The following UBXN11 variants were observed in gnomAD, a reference collection of about 807,000 sequenced individuals.
UBXN11 encodes UBX domain-containing protein 11.
In UBXN11, 47 loss-of-function variants were observed where a neutral mutation model predicts 62.8. The ratio of observed to expected loss-of-function variants is 0.75; its 90% CI spans 0.59 to 0.95. The LOEUF (loss-of-function observed/expected upper bound fraction) is 0.95, where lower values mean the gene tolerates loss of function less well. Among genes scored for constraint, UBXN11 ranks in the 40% least tolerant of loss-of-function variants. UBXN11 has a pLI of 0.00. For missense variants in UBXN11, 638 were observed against 661.7 expected, an observed-to-expected ratio of 0.96 and a Z score of 0.39; for synonymous variants, 294 against 267.0, an observed-to-expected ratio of 1.10 and a Z score of -0.99.
chr1:26,310,548 AAGAAAGAAAG>A (rs2073731263), upstream of UBXN11, among the ~76,000 whole-genome samples: 3 of 150,076 alleles, frequency 2.0e-5, no homozygotes, highest in Non-Finnish European at 4.5e-5. Flanking sequence ...CAAAAAAAAA[AAGAAAGAAAG>A]AAAAGAAAGA....
upstream of UBXN11, among the ~76,000 whole-genome samples, chr1:26,311,289 C>T (rs1328882360): frequency 1.3e-5 from 2 of 151,706 alleles, no homozygotes; most frequent in Non-Finnish European, 2.9e-5. Context: ...CAGGTGCCCA[C>T]CACCATGCCC....
At chr1:26,312,605 G>A (rs2073754227) in intron 1 of UBXN11, among the ~76,000 whole-genome samples, 1 of 152,000 alleles carries the variant, frequency 6.6e-6, no homozygotes, top group Admixed American at 6.6e-5. Context: ...CTCCCTGCTG[G>A]ACTATAAATT....
Position 26,301,870 on chromosome 1 carries a change from C to T in UBXN11, c.72-148G>A, listed in dbSNP as rs560218524. On this transcript the variant is annotated intron_variant, in intron 2 of 14. Transcript: ENST00000374222. ...CTCCTGAGGACTTCCAGCCCCAAAT[C>T]CCAGCCCCAGCCTGGGGTGAGACAA... 526 of 1,043,724 alleles carry T rather than the reference C, an allele frequency of 5.0e-4. 5 individuals carry two copies. The East Asian group carries it at 0.013, about 27-fold the overall frequency. 64.7% of individuals were successfully genotyped at this position (1,043,724 alleles called of 1,614,324 possible).
At chr1:26,294,999 T>G (rs1206017564) in intron 7 of UBXN11, among the ~76,000 whole-genome samples, 1 of 151,974 alleles carries the variant, frequency 6.6e-6, no homozygotes, top group Non-Finnish European at 1.5e-5. Context: ...CAACACCAAC[T>G]CATGGGGGCC....
At position 26,289,964 on chromosome 1, in the gene UBXN11, A is replaced by G. The variant is rs2073220901; in HGVS notation, c.560-3927T>C. 2.0e-5 allele frequency among the ~76,000 whole-genome samples: 3 copies of G among 152,250 alleles called. No individual in the cohort carries two copies. The South Asian group carries it at 6.2e-4, about 32-fold the overall frequency. ...TGCTCTTCAGAGGAGCCAGTGCAGG[A>G]AAGGAGGCCCTGCAGGTCTGGTCCC... is the stretch of plus-strand genomic sequence containing the variant. On this transcript the variant is annotated intron_variant, in intron 8 of 14. Transcript: ENST00000374222.
At chr1:26,296,867 A>G (rs1481399966) in intron 7 of UBXN11, 52 bp downstream of exon 7, 1 of 1,548,272 alleles carries the variant, frequency 6.5e-7, no homozygotes, top group Non-Finnish European at 8.8e-7. Flanking sequence ...ACATGCCGTG[A>G]AGAGCTGGGG....
At chr1:26,311,105 A>G (rs138770509), upstream of UBXN11, among the ~76,000 whole-genome samples, 2 of 151,088 alleles carry the variant, frequency 1.3e-5, no homozygotes, top group Non-Finnish European at 1.5e-5. Flanking sequence ...AGTAGACCCC[A>G]GCTCTGGGGC....
At chr1:26,301,109 G>C (rs1025174454) in intron 3 of UBXN11, 85 bp from the exon 4 acceptor site, 1 of 1,602,446 alleles carries the variant, frequency 6.2e-7, no homozygotes, top group African/African-American at 1.3e-5. Context: ...GTGTGACGCG[G>C]CCTATGCACT....
Position 26,294,259 on chromosome 1 carries a change from C to A in UBXN11, c.505G>T (p.Val169Phe), listed in dbSNP as rs1219745943. Reference protein sequence around the residue: ...MDQEDSESKTVSEHGERDWMT... With the variant: ...MDQEDSESKTFSEHGERDWMT... ...CAGTCCCTCTCGCCATGCTCTGAGA[C>A]TGTCTTGCTCTCTGAGTCCTCCTGG... Residue 169 changes from valine to phenylalanine, a missense_variant, in exon 8 of 15, where the codon GTC becomes TTC. Val to Phe is a conservative substitution (Grantham distance 50). Transcript: ENST00000374222. 6.2e-7 allele frequency: 1 copy of A among 1,614,228 alleles called. No homozygotes were observed. The highest frequency in any genetic ancestry group is 1.1e-5 in the South Asian group (1 of 91,090).
chr1:26,283,021 C>T, intron 12 of UBXN11, 84 bp from the exon 13 acceptor site: 3 of 1,567,862 alleles, frequency 1.9e-6, no homozygotes, highest in African/African-American at 1.4e-5. Context: ...ACTTCCTTGA[C>T]CAGGGACAGA....
intron 8 of UBXN11, among the ~76,000 whole-genome samples, chr1:26,290,102 C>T (rs1219711830): frequency 6.6e-6 from 1 of 152,254 alleles, no homozygotes; most frequent in Non-Finnish European, 1.5e-5. Context: ...ACCCTGTCCC[C>T]ACCTCATCAT....
At chr1:26,307,899 A>T (rs1226061005), upstream of UBXN11, among the ~76,000 whole-genome samples, 1 of 152,072 alleles carries the variant, frequency 6.6e-6, no homozygotes, top group Non-Finnish European at 1.5e-5. Flanking sequence ...AGTGGACAGC[A>T]TTCTTTATAT....
intron 4 of UBXN11, among the ~76,000 whole-genome samples, 164 bp downstream of exon 4, chr1:26,300,762 T>G (rs2073512173): frequency 6.6e-6 from 1 of 152,162 alleles, no homozygotes; most frequent in Non-Finnish European, 1.5e-5. Flanking sequence ...GGGGCTTGTG[T>G]GGCTTTATGC....
intron 9 of UBXN11, 118 bp from the exon 10 acceptor site, chr1:26,285,659 A>C: frequency 7.4e-7 from 1 of 1,357,932 alleles, no homozygotes; most frequent in Admixed American, 2.8e-5. Context: ...CTCTGGAAAC[A>C]TTCAGAGTCC....
chr1:26,283,883 G>A (rs1251662414), intron 12 of UBXN11, among the ~76,000 whole-genome samples: 1 of 152,204 alleles, frequency 6.6e-6, no homozygotes, highest in Admixed American at 6.5e-5. Context: ...GACCTTGATG[G>A]GGTGGCCTGG....
At chr1:26,311,676 C>T (rs893604937) in intron 1 of UBXN11, among the ~76,000 whole-genome samples, 1 of 152,114 alleles carries the variant, frequency 6.6e-6, no homozygotes, top group Admixed American at 6.5e-5. Flanking sequence ...CTCCTGACCT[C>T]GTGATCCGCC....
chr1:26,297,279 C>T, intron 6 of UBXN11, 148 bp downstream of exon 6: 1 of 957,910 alleles, frequency 1.0e-6, no homozygotes, highest in South Asian at 1.7e-5. Flanking sequence ...TATGCTGCAG[C>T]CCCTCTGTGG....
At chr1:26,301,085 C>G in intron 3 of UBXN11, 61 bp from the exon 4 acceptor site, 1 of 1,612,178 alleles carries the variant, frequency 6.2e-7, no homozygotes, top group Non-Finnish European at 8.5e-7. Flanking sequence ...AACTCAGGCC[C>G]TGGGCCCTCG....
intron 1 of UBXN11, among the ~76,000 whole-genome samples, chr1:26,317,060 C>A (rs1420904544): frequency 1.0e-5 from 1 of 100,326 alleles, no homozygotes; most frequent in African/African-American, 4.0e-5. Flanking sequence ...GAAACCCAGT[C>A]TCCGCTAAAA....
Sources: allele counts gnomAD v4.1 joint callset (sites outside exome capture counted in the v4.1 genomes callset), GRCh38; gene constraint gnomAD v4.1.1; transcripts MANE v1.5; gene names NCBI Gene and HGNC (gene_info 2026-07-23, HGNC 2026-07-21).